Variants in EVI5 observed in about 807,000 individuals in gnomAD.
EVI5 encodes ecotropic viral integration site 5.
Under a neutral mutation model 112.0 loss-of-function variants are expected in EVI5, and 73 were observed. That is an observed-to-expected ratio of 0.65 (90% CI 0.54 to 0.79). The LOEUF (loss-of-function observed/expected upper bound fraction) is 0.79. Ranked by LOEUF, EVI5 falls within the 30% of genes least tolerant of loss-of-function variation. EVI5 has a pLI of 0.00. For missense variants in EVI5, 900 were observed against 968.8 expected (o/e 0.93, Z 0.94); for synonymous variants, 305 against 319.9 (o/e 0.95, Z 0.50).
chr1:92,517,765 A>G (rs1660154868), intron 19 of EVI5, among the ~76,000 whole-genome samples: 1 of 151,250 alleles, frequency 6.6e-6, no homozygotes, highest in African/African-American at 2.4e-5. Flanking sequence ...AGGGACCACT[A>G]CTCTAGGCAA....
chr1:92,526,117 G>A (rs1286149097), intron 19 of EVI5, among the ~76,000 whole-genome samples: 1 of 152,108 alleles, frequency 6.6e-6, no homozygotes, highest in East Asian at 1.9e-4. Context: ...GGAGTGCAGT[G>A]GCACTATCAC....
chr1:92,730,963 C>A (rs910971860), intron 2 of EVI5, among the ~76,000 whole-genome samples: 14 of 151,528 alleles, frequency 9.2e-5, no homozygotes, highest in Admixed American at 2.6e-4. Flanking sequence ...AGACAAAAAC[C>A]AAAAAAAACT....
intron 13 of EVI5, among the ~76,000 whole-genome samples, chr1:92,650,518 T>G (rs891314742): frequency 2.0e-5 from 3 of 152,100 alleles, no homozygotes; most frequent in African/African-American, 7.2e-5. Context: ...ATTCTTTTAC[T>G]TTTAACCTAA....
chr1:92,766,857 G>A (rs1182632), intron 1 of EVI5, among the ~76,000 whole-genome samples: 9,179 of 152,182 alleles, frequency 0.06, 394 homozygotes, highest in Non-Finnish European at 0.09. Flanking sequence ...CAAAGCAGGC[G>A]GATCACTTGA....
chr1:92,598,244 TGAGGGGGAAGCGTAG>T (rs1648360072), intron 18 of EVI5, among the ~76,000 whole-genome samples: 9 of 152,026 alleles, frequency 5.9e-5, no homozygotes, highest in Admixed American at 5.9e-4. Context: ...AAAAATATGT[TGAGGGGGAAGCGTAG>T]GAGGAGGGAG....
intron 10 of EVI5, among the ~76,000 whole-genome samples, chr1:92,675,851 G>T (rs1414096802): frequency 6.6e-6 from 1 of 151,546 alleles, no homozygotes; most frequent in African/African-American, 2.4e-5. Context: ...AGCTACTTGG[G>T]AAGCTGAGGC....
At chr1:92,738,150 G>A (rs1351795238) in intron 1 of EVI5, among the ~76,000 whole-genome samples, 1 of 152,134 alleles carries the variant, frequency 6.6e-6, no homozygotes, top group Non-Finnish European at 1.5e-5. Context: ...GGCCGTATAG[G>A]AACCAAATAA....
chr1:92,588,603 C>T (rs889290668), intron 18 of EVI5, among the ~76,000 whole-genome samples: 1 of 152,182 alleles, frequency 6.6e-6, no homozygotes, highest in Non-Finnish European at 1.5e-5. Context: ...AAATTTCACA[C>T]CATAAGATTT....
intron 18 of EVI5, among the ~76,000 whole-genome samples, chr1:92,601,093 T>C (rs905968857): frequency 1.3e-5 from 2 of 152,086 alleles, no homozygotes; most frequent in Non-Finnish European, 2.9e-5. Context: ...AGCAGGCAAA[T>C]ACTGAAAAAA....
At chr1:92,603,902 T>C (rs1649764268) in intron 18 of EVI5, among the ~76,000 whole-genome samples, 1 of 151,924 alleles carries the variant, frequency 6.6e-6, no homozygotes, top group African/African-American at 2.4e-5. Flanking sequence ...CCAACTAATT[T>C]TATTTTGTAT....
chr1:92,783,387 A>G (rs1685114473), intron 1 of EVI5, among the ~76,000 whole-genome samples: 1 of 135,458 alleles, frequency 7.4e-6, no homozygotes, highest in Admixed American at 7.5e-5. Flanking sequence ...AAAAAAAATT[A>G]GCCGGGCGTG....
intron 7 of EVI5, among the ~76,000 whole-genome samples, chr1:92,694,917 T>A (rs1286268647): frequency 6.6e-6 from 1 of 152,194 alleles, no homozygotes; most frequent in East Asian, 1.9e-4. Flanking sequence ...GGATGACAGA[T>A]GCATTTCAAC....
At chr1:92,603,067 T>C (rs966641700) in intron 18 of EVI5, among the ~76,000 whole-genome samples, 4 of 152,158 alleles carry the variant, frequency 2.6e-5, no homozygotes, top group African/African-American at 9.7e-5. Context: ...AAAGAAGATA[T>C]ATAAATGCGA....
Position 92,703,382 on chromosome 1 carries a change from A to T in EVI5, c.564+13T>A. On this transcript the variant is annotated intron_variant, in intron 4 of 19. Coordinates refer to ENST00000684568, the MANE Select transcript of EVI5 (RefSeq NM_001350197.2). ...ATTCATTTCATTTCAAAAAATGAAT[A>T]AATAAAACTTACCTTCATTACATTA... The T allele has an allele frequency of 7.0e-7, 1 of 1,430,932 alleles. No homozygotes were observed. The highest frequency in any genetic ancestry group is 1.3e-5 in the South Asian group (1 of 79,510). The allele number at this position is 1,430,932 out of a possible 1,614,324, so 88.6% of individuals were successfully genotyped here.
At chr1:92,647,985 T>A (rs1169665551) in intron 13 of EVI5, among the ~76,000 whole-genome samples, 3 of 148,844 alleles carry the variant, frequency 2.0e-5, no homozygotes, top group Admixed American at 1.3e-4. Context: ...CCTCAAGTGA[T>A]CCGCCCATCT....
chr1:92,667,012 C>T (rs1191651263), intron 10 of EVI5, among the ~76,000 whole-genome samples: 2 of 152,166 alleles, frequency 1.3e-5, no homozygotes, highest in Non-Finnish European at 2.9e-5. Flanking sequence ...CCATTTAGGG[C>T]CTGGCTCAGT....
At chr1:92,624,129 G>A in intron 16 of EVI5, 47 bp downstream of exon 16, 1 of 1,485,570 alleles carries the variant, frequency 6.7e-7, no homozygotes, top group Non-Finnish European at 9.4e-7. Flanking sequence ...ACAAACCCTT[G>A]ATCAGCTAAT....
chr1:92,626,625 C>T (rs763443494), intron 14 of EVI5, among the ~76,000 whole-genome samples: 2 of 152,232 alleles, frequency 1.3e-5, no homozygotes, highest in Non-Finnish European at 2.9e-5. Context: ...AGCTGTACTG[C>T]TTTTCATTTT....
At chr1:92,657,947 GA>G (rs1212448336) in intron 13 of EVI5, among the ~76,000 whole-genome samples, 1 of 152,112 alleles carries the variant, frequency 6.6e-6, no homozygotes, top group Non-Finnish European at 1.5e-5. Context: ...CTCACATGAG[GA>G]CAGCACCAAG....
Sources: allele counts gnomAD v4.1 joint callset (sites outside exome capture counted in the v4.1 genomes callset), GRCh38; gene constraint gnomAD v4.1.1; transcripts MANE v1.5; gene names NCBI Gene and HGNC (gene_info 2026-07-23, HGNC 2026-07-21).